ABCB4: variants seen among roughly 807,000 people sequenced by gnomAD.
ABCB4 encodes ATP binding cassette subfamily B member 4.
Under a neutral mutation model 145.7 loss-of-function variants are expected in ABCB4, and 76 were observed. The observed-to-expected ratio is 0.52, with a 90% confidence interval of 0.43 to 0.63. The LOEUF (loss-of-function observed/expected upper bound fraction) is 0.63, where lower values mean the gene tolerates loss of function less well. ABCB4 is among the 30% of genes least tolerant of loss of function. The pLI is 0.00. For missense variants in ABCB4, 1,234 were observed against 1,553.1 expected (o/e 0.79, Z 3.45); for synonymous variants, 517 against 566.8 (o/e 0.91, Z 1.25).
At chr7:87,367,655 C>T in the ABCB4 span, among the ~76,000 whole-genome samples, 1 of 152,202 alleles carries the variant, frequency 6.6e-6, no homozygotes, top group Non-Finnish European at 1.5e-5. Context: ...GACAACTCTT[C>T]TATATCTGTG....
chr7:87,422,229 C>A lies in ABCB4; in HGVS notation c.2212-4G>T. The A allele has an allele frequency of 1.2e-6, 2 of 1,609,446 alleles. No individual in the cohort carries two copies. The highest frequency in any genetic ancestry group is 1.7e-6 in the Non-Finnish European group (2 of 1,176,156). ...CATCATCGCCTGGTCCAAAAATCTA[C>A]AAAAGAATATTTAAAACGCCCACTT... On this transcript the variant is annotated splice_polypyrimidine_tract_variant and splice_region_variant and intron_variant, in intron 17 of 27. Coordinates refer to ENST00000649586, the MANE Select transcript of ABCB4 (RefSeq NM_000443.4).
At chr7:87,419,900 G>A in intron 19 of ABCB4, 98 bp downstream of exon 19, 1 of 1,303,610 alleles carries the variant, frequency 7.7e-7, no homozygotes, top group Non-Finnish European at 1.1e-6. Context: ...TACCCTGGGG[G>A]GAAAACATGC....
chr7:87,395,040 G>C, the ABCB4 span, among the ~76,000 whole-genome samples: 38 of 152,182 alleles, frequency 2.5e-4, no homozygotes, highest in African/African-American at 9.2e-4. Context: ...AAGTGTATTA[G>C]TCAGGGTTCT....
intron 4 of ABCB4, among the ~76,000 whole-genome samples, chr7:87,455,837 C>A (rs1258503535): frequency 2.0e-5 from 3 of 152,060 alleles, no homozygotes; most frequent in Non-Finnish European, 4.4e-5. Context: ...TGTGTATCCT[C>A]CTTATCTTTT....
chr7:87,440,397 G>A lies in ABCB4; in HGVS notation c.1362C>T (p.Asn454=). 4.3e-6 allele frequency: 7 copies of A among 1,613,246 alleles called. No homozygotes were observed. The highest frequency in any genetic ancestry group is 5.1e-6 in the Non-Finnish European group (6 of 1,179,328). ...AGTTCCTAATATCCTGCCCATCAAT[G>A]TTAATCTGAAAGAAAGAAATATTTC... ...RLYDPDEGTI[N]IDGQDIRNFN... The change falls in exon 13 of 28, where the codon AAC becomes AAT. Residue 454 remains asparagine, a synonymous_variant. Coordinates refer to ENST00000649586, the MANE Select transcript of ABCB4 (RefSeq NM_000443.4).
chr7:87,389,153 G>C, the ABCB4 span, among the ~76,000 whole-genome samples: 2 of 152,196 alleles, frequency 1.3e-5, no homozygotes, highest in African/African-American at 4.8e-5. Context: ...GGAGAAATAG[G>C]AATGCTTTTA....
At chr7:87,403,424 A>T in intron 26 of ABCB4, 143 bp from the exon 27 acceptor site, 1 of 706,354 alleles carries the variant, frequency 1.4e-6, no homozygotes, top group Non-Finnish European at 2.4e-6. Flanking sequence ...TTCAAAATCA[A>T]ACTAGAAAAC....
chr7:87,434,013 C>T (rs1025523958), intron 14 of ABCB4, among the ~76,000 whole-genome samples: 6 of 151,580 alleles, frequency 4.0e-5, no homozygotes, highest in Non-Finnish European at 8.8e-5. Flanking sequence ...TATGCAACCT[C>T]CACCTCCTGG....
chr7:87,379,781 G>C, the ABCB4 span, among the ~76,000 whole-genome samples: 3 of 152,124 alleles, frequency 2.0e-5, no homozygotes, highest in Non-Finnish European at 4.4e-5. Flanking sequence ...TGATTATAGA[G>C]GGTGCAGTTT....
intron 24 of ABCB4, among the ~76,000 whole-genome samples, 181 bp downstream of exon 24, chr7:87,409,055 A>G (rs1808417609): frequency 6.6e-6 from 1 of 152,040 alleles, no homozygotes; most frequent in East Asian, 1.9e-4. Flanking sequence ...GATCCTTGAA[A>G]CCACCTATAA....
At chr7:87,442,078 T>C (rs1811028139) in intron 12 of ABCB4, among the ~76,000 whole-genome samples, 1 of 152,180 alleles carries the variant, frequency 6.6e-6, no homozygotes, top group Non-Finnish European at 1.5e-5. Flanking sequence ...GAAGATCTTT[T>C]TTTTCTGTTA....
the ABCB4 span, among the ~76,000 whole-genome samples, chr7:87,377,956 C>T: frequency 1.3e-5 from 2 of 152,254 alleles, no homozygotes; most frequent in African/African-American, 4.8e-5. Context: ...TTTCTTGCTT[C>T]TCCTCTGTTC....
At chr7:87,378,540 TTTG>T in the ABCB4 span, among the ~76,000 whole-genome samples, 2 of 152,212 alleles carry the variant, frequency 1.3e-5, no homozygotes, top group Non-Finnish European at 2.9e-5. Context: ...ACTGCTTTCT[TTTG>T]TTTGGCCTCA....
chr7:87,470,460 G>T (rs1295600620), intron 3 of ABCB4, among the ~76,000 whole-genome samples: 2 of 152,128 alleles, frequency 1.3e-5, no homozygotes, highest in African/African-American at 4.8e-5. Flanking sequence ...GAAAATTTTT[G>T]CAATCTACTC....
At chr7:87,430,753 C>T (rs184480627) in intron 15 of ABCB4, among the ~76,000 whole-genome samples, 5 of 152,290 alleles carry the variant, frequency 3.3e-5, no homozygotes, top group Admixed American at 3.3e-4. Flanking sequence ...TCTCGAACTC[C>T]TGACCTCAGG....
chr7:87,378,492 C>T, the ABCB4 span, among the ~76,000 whole-genome samples: 1 of 152,136 alleles, frequency 6.6e-6, no homozygotes, highest in Non-Finnish European at 1.5e-5. Flanking sequence ...CTTCAATGTT[C>T]AAATGCTTTC....
intron 4 of ABCB4, among the ~76,000 whole-genome samples, chr7:87,460,222 T>C (rs776894729): frequency 3.4e-4 from 52 of 152,176 alleles, no homozygotes; most frequent in Non-Finnish European, 6.3e-4. Flanking sequence ...TAAAATACCA[T>C]TGCTAATTCA....
In ABCB4 at chr7:87,474,106, C is replaced by T. The variant is rs188413469; in HGVS notation, c.80+1280G>A. On this transcript the variant is annotated intron_variant, in intron 2 of 27. Coordinates refer to ENST00000649586, the MANE Select transcript of ABCB4 (RefSeq NM_000443.4). The stretch of plus-strand genomic sequence containing the variant: ...GCTGCTTTCTTCTTTCCAGCAGAAG[C>T]TGTGGGCTTCCCCTCTGAGGACTTT... 2.6e-5 allele frequency among the ~76,000 whole-genome samples: 4 copies of T among 152,338 alleles called. No individual in the cohort carries two copies. In the East Asian group the frequency reaches 7.7e-4, roughly 29 times the overall value.
intron 16 of ABCB4, 136 bp from the exon 17 acceptor site, chr7:87,424,188 G>A: frequency 1.0e-6 from 1 of 971,532 alleles, no homozygotes; most frequent in Non-Finnish European, 1.6e-6. Flanking sequence ...AACTACTAGA[G>A]AGTAGGACAG....
Sources: gnomAD v4.1 joint callset for allele counts (sites outside exome capture counted in the v4.1 genomes callset) on GRCh38, gnomAD v4.1.1 for gene constraint, MANE v1.5 for transcripts, NCBI Gene and HGNC (gene_info 2026-07-23, HGNC 2026-07-21) for gene names.